Variants in MACROD1 observed in about 807,000 individuals in gnomAD.
MACROD1 encodes mono-ADP ribosylhydrolase 1.
MACROD1 carries 31 observed loss-of-function variants against 41.4 expected under a neutral mutation model. That is an observed-to-expected ratio of 0.75 (90% CI 0.56 to 1.01). MACROD1 has a LOEUF of 1.01. MACROD1 is among the 50% of genes least tolerant of loss of function. MACROD1 has a pLI of 0.00. For synonymous variants in MACROD1, 252 were observed against 203.4 expected (o/e 1.24, Z -2.03); for missense variants, 473 against 460.0 (o/e 1.03, Z -0.26).
chr11:64,145,817 T>C (rs1050814238), intron 3 of MACROD1, among the ~76,000 whole-genome samples: 2 of 151,682 alleles, frequency 1.3e-5, no homozygotes, highest in African/African-American at 4.8e-5. Context: ...GCAACCAGGA[T>C]GGAGTGCAGT....
At chr11:64,032,460 G>A (rs2134366693) in intron 3 of MACROD1, among the ~76,000 whole-genome samples, 2 of 152,242 alleles carry the variant, frequency 1.3e-5, no homozygotes, top group Middle Eastern at 6.8e-3. Context: ...AGGGTAGATG[G>A]CAGCTGGAGA....
chr11:64,046,952 C>CT (rs761646602), intron 3 of MACROD1, among the ~76,000 whole-genome samples: 9 of 152,228 alleles, frequency 5.9e-5, no homozygotes, highest in Non-Finnish European at 7.3e-5. Context: ...ATCAGTGGCT[C>CT]TCTAGTTCCT....
At chr11:64,134,268 C>T (rs965633492) in intron 3 of MACROD1, among the ~76,000 whole-genome samples, 1 of 152,142 alleles carries the variant, frequency 6.6e-6, no homozygotes, top group Non-Finnish European at 1.5e-5. Context: ...GTCATTCCAC[C>T]CCACCCTGAG....
At chr11:64,130,039 C>A (rs1390980996) in intron 3 of MACROD1, among the ~76,000 whole-genome samples, 1 of 152,154 alleles carries the variant, frequency 6.6e-6, no homozygotes, top group African/African-American at 2.4e-5. Flanking sequence ...AGCCCTGACA[C>A]CATGTCTTCA....
chr11:64,029,386 GTCTCTGAGACACCAA>G (rs1943264937), intron 3 of MACROD1, among the ~76,000 whole-genome samples: 2 of 152,230 alleles, frequency 1.3e-5, no homozygotes, highest in South Asian at 4.1e-4. Flanking sequence ...CCCAGTAGAG[GTCTCTGAGACACCAA>G]TCTCAGAGCC....
At chr11:64,130,074 T>A (rs1209827227) in intron 3 of MACROD1, among the ~76,000 whole-genome samples, 2 of 151,586 alleles carry the variant, frequency 1.3e-5, no homozygotes, top group Non-Finnish European at 2.9e-5. Flanking sequence ...GATGGGGTGG[T>A]CCCCCGAGAA....
At chr11:64,151,459 C>T in intron 2 of MACROD1, 104 bp from the exon 3 acceptor site, 3 of 779,258 alleles carry the variant, frequency 3.8e-6, no homozygotes, top group African/African-American at 1.7e-5. Flanking sequence ...CTCCCTCCAC[C>T]TCCAGGGGCA....
At chr11:64,117,115 G>A (rs1945000299) in intron 3 of MACROD1, 1 of 1,609,352 alleles carries the variant, frequency 6.2e-7, no homozygotes, top group Admixed American at 1.7e-5. Context: ...AATGCCATCA[G>A]CCACATCCCC....
intron 3 of MACROD1, among the ~76,000 whole-genome samples, chr11:64,101,144 A>G (rs560331546): frequency 3.0e-4 from 46 of 152,026 alleles, no homozygotes; most frequent in African/African-American, 1.1e-3. Context: ...CATTGCAGGG[A>G]GGGAGGGATG....
rs943706750 is a variant in MACROD1 at position 64,064,325 on chromosome 11, C to T, written c.518-49044G>A. Among the ~76,000 whole-genome samples the T allele has an allele frequency of 5.5e-4, 84 of 152,262 alleles. No homozygotes were observed. Among genetic ancestry groups the T allele is most frequent in the Admixed American group, 2.4e-3 (37 of 15,298 alleles). Reference sequence around the variant, plus strand: ...GGCGGCGGGTAGGGGGGTGATGTCTCATCAGAAGAGGGGCCTGCCTGTCCA... The same window carrying T: ...GGCGGCGGGTAGGGGGGTGATGTCTTATCAGAAGAGGGGCCTGCCTGTCCA... On this transcript the variant is annotated intron_variant, in intron 3 of 10. Coordinates refer to ENST00000255681, the MANE Select transcript of MACROD1 (RefSeq NM_014067.4). This position sits in a 1 kb window ranked among gnomAD's most constrained non-coding sequence, Gnocchi z 4.5.
chr11:64,080,964 C>T (rs568604856), intron 3 of MACROD1, among the ~76,000 whole-genome samples: 33 of 152,298 alleles, frequency 2.2e-4, no homozygotes, highest in Admixed American at 3.9e-4. Flanking sequence ...AATTATGTGA[C>T]ATTGTTGAAG....
In MACROD1 at chr11:64,097,169, G is replaced by A. The variant is rs574416600; in HGVS notation, c.517+54070C>T. Among the ~76,000 whole-genome samples, 23 of 152,328 alleles carry A rather than the reference G, an allele frequency of 1.5e-4. No individual in the cohort carries two copies. In the South Asian group the frequency reaches 3.9e-3, roughly 26 times the overall value. On this transcript the variant is annotated intron_variant, in intron 3 of 10. Transcript: ENST00000255681. The stretch of plus-strand genomic sequence containing the variant: ...TTCAGCTAGGGAACCCTCCCCCTCT[G>A]CAGCATCCTGAGCCTGGCAGAACTG...
intron 3 of MACROD1, among the ~76,000 whole-genome samples, chr11:64,023,344 GC>G (rs2075174981): frequency 6.6e-6 from 1 of 152,112 alleles, no homozygotes; most frequent in Admixed American, 6.5e-5. Context: ...CGGGTCAGCT[GC>G]CCCACCTCCT....
chr11:64,157,312 G>A (rs544055176), intron 1 of MACROD1, among the ~76,000 whole-genome samples: 3 of 152,168 alleles, frequency 2.0e-5, no homozygotes, highest in East Asian at 3.9e-4. Context: ...CAAGCTGGTC[G>A]TGAACTCCTG....
intron 3 of MACROD1, among the ~76,000 whole-genome samples, chr11:64,089,885 G>A (rs551338345): frequency 6.6e-6 from 1 of 152,214 alleles, no homozygotes; most frequent in East Asian, 1.9e-4. Context: ...GACCAGCTCT[G>A]CCCTGTGTGA....
At chr11:64,035,061 A>G (rs1943347544) in intron 3 of MACROD1, among the ~76,000 whole-genome samples, 1 of 152,166 alleles carries the variant, frequency 6.6e-6, no homozygotes, top group African/African-American at 2.4e-5. Context: ...CCACCCTCCC[A>G]TTCAAGGTCT....
At chr11:64,072,538 CTAA>C (rs1181062752) in intron 3 of MACROD1, among the ~76,000 whole-genome samples, 31 of 152,350 alleles carry the variant, frequency 2.0e-4, no homozygotes, top group African/African-American at 6.7e-4. Context: ...GCCACAGAAA[CTAA>C]TAACATAGCA....
chr11:64,161,502 A>G (rs1945755220), intron 1 of MACROD1, among the ~76,000 whole-genome samples: 1 of 152,244 alleles, frequency 6.6e-6, no homozygotes, highest in Non-Finnish European at 1.5e-5. Flanking sequence ...TTGACTGTCA[A>G]ATGTAACTTG....
intron 3 of MACROD1, among the ~76,000 whole-genome samples, chr11:64,038,932 C>A (rs562016301): frequency 5.3e-5 from 8 of 152,294 alleles, no homozygotes; most frequent in Non-Finnish European, 1.2e-4. Context: ...TGGGGAGGCA[C>A]CCACGTTGAG....
Sources: gnomAD v4.1 joint callset for allele counts (sites outside exome capture counted in the v4.1 genomes callset) on GRCh38, gnomAD v4.1.1 for gene constraint, Gnocchi (gnomAD v3.1) non-coding constraint, MANE v1.5 for transcripts, NCBI Gene and HGNC (gene_info 2026-07-23, HGNC 2026-07-21) for gene names.